Variants in TRPA1 observed in about 807,000 individuals in gnomAD.
TRPA1 encodes ankyrin-like with transmembrane domains 1.
Under a neutral mutation model 131.3 loss-of-function variants are expected in TRPA1, and 129 were observed. That is an observed-to-expected ratio of 0.98 (90% confidence interval 0.85 to 1.14). The LOEUF is 1.14. Among genes scored for constraint, TRPA1 ranks in the 50% most tolerant of loss-of-function variants. The pLI is 0.00. For synonymous variants in TRPA1, 441 were observed against 451.7 expected (o/e 0.98, Z 0.30); for missense variants, 1,304 against 1,354.2 (o/e 0.96, Z 0.58).
chr8:72,054,984 C>A (rs6472657), intron 12 of TRPA1: 79,754 of 153,602 alleles, frequency 0.52, 21,115 homozygotes, highest in East Asian at 0.69. Context: ...TTAAAGGGAA[C>A]TTTTTATGCC....
At chr8:72,043,016 A>T (rs1812307033) in intron 17 of TRPA1, among the ~76,000 whole-genome samples, 1 of 151,896 alleles carries the variant, frequency 6.6e-6, no homozygotes, top group Non-Finnish European at 1.5e-5. Flanking sequence ...ACACTACTGA[A>T]CTATGCATTT....
chr8:72,047,126 AATG>A lies in TRPA1; in HGVS notation c.1965+19_1965+21del. ...AATTATAACAAAATAAATTTCAGAT[AATG>A]ATGATAAAATAAACTTACATAATAG... On this transcript the variant is annotated intron_variant, in intron 16 of 26. Coordinates refer to ENST00000262209, the MANE Select transcript of TRPA1 (RefSeq NM_007332.3). 1.9e-6 allele frequency: 3 copies of A among 1,539,126 alleles called. No individual in the cohort carries two copies. Among genetic ancestry groups the A allele is most frequent in the Non-Finnish European group, 1.8e-6 (2 of 1,114,486 alleles).
At chr8:72,046,416 C>T (rs895973994) in intron 17 of TRPA1, 97 bp downstream of exon 17, 9 of 678,162 alleles carry the variant, frequency 1.3e-5, no homozygotes, top group Admixed American at 2.7e-5. Context: ...TGTAACTAAC[C>T]TGCACAATGT....
At position 72,055,810 on chromosome 8, in the gene TRPA1, A is replaced by C. The variant is rs562070327; in HGVS notation, c.1240T>G (p.Cys414Gly). 6.2e-7 allele frequency: 1 copy of C among 1,613,490 alleles called. No individual in the cohort carries two copies. ...ELVMDEDNDG[C>G]TPLHYACRQG... ...CTACATGCATAATGTAGAGGAGTAC[A>C]CCCATCGTTGTCTTCATCCATTACC... The change falls in exon 11 of 27, where the codon TGT becomes GGT. Residue 414 changes from cysteine to glycine, a missense_variant. Physicochemically the swap from Cys to Gly is radical, Grantham distance 159. Coordinates refer to ENST00000262209, the MANE Select transcript of TRPA1 (RefSeq NM_007332.3).
intron 15 of TRPA1, 29 bp from the exon 16 acceptor site, chr8:72,047,236 T>C (rs1217579953): frequency 2.6e-6 from 4 of 1,541,340 alleles, no homozygotes; most frequent in Admixed American, 3.3e-5. Flanking sequence ...AGCTAAGATA[T>C]TGGGGCAGTA....
At chr8:72,053,586 T>C (rs1351006804) in intron 13 of TRPA1, 167 bp downstream of exon 13, 1 of 655,940 alleles carries the variant, frequency 1.5e-6, no homozygotes, top group Non-Finnish European at 2.8e-6. Flanking sequence ...CCCAATTCTG[T>C]TGCCTTTTGA....
chr8:72,088,394 T>G, the TRPA1 span, among the ~76,000 whole-genome samples: 1 of 147,646 alleles, frequency 6.8e-6, no homozygotes, highest in Non-Finnish European at 1.5e-5. Flanking sequence ...TTTTGCTGTT[T>G]TATAGGATTT....
At chr8:72,031,086 C>T (rs1426374891) in intron 23 of TRPA1, among the ~76,000 whole-genome samples, 1 of 152,064 alleles carries the variant, frequency 6.6e-6, no homozygotes, top group Non-Finnish European at 1.5e-5. Flanking sequence ...TAGTATAGAG[C>T]AGGGTACATA....
At chr8:72,031,382 C>T (rs1381029155) in intron 23 of TRPA1, among the ~76,000 whole-genome samples, 1 of 151,426 alleles carries the variant, frequency 6.6e-6, no homozygotes, top group Non-Finnish European at 1.5e-5. Flanking sequence ...AGTTCCAGAC[C>T]AGCCTGGGCA....
Position 72,021,609 on chromosome 8 carries a change from GT to G in TRPA1, c.*1296del, listed in dbSNP as rs755199952. The G allele has an allele frequency of 6.9e-6, 1 of 145,514 alleles. No individual in the cohort carries two copies. The highest frequency in any genetic ancestry group is 1.5e-5 in the Non-Finnish European group (1 of 65,886). 9.0% of individuals were successfully genotyped at this position (145,514 alleles called of 1,614,324 possible). ...CATATCGTCCCTCAGCACTCTGCTG[GT>G]TTGTATGAACATCAGTATGTTTGAG... is the stretch of plus-strand genomic sequence containing the variant. On this transcript the variant is annotated 3_prime_UTR_variant, in exon 27 of 27. Coordinates refer to ENST00000262209, the MANE Select transcript of TRPA1 (RefSeq NM_007332.3).
At chr8:72,078,058 C>T (rs1806222707), upstream of TRPA1, among the ~76,000 whole-genome samples, 1 of 151,246 alleles carries the variant, frequency 6.6e-6, no homozygotes, top group Admixed American at 6.6e-5. Flanking sequence ...GTTATATGCA[C>T]ATATTGCTCA....
chr8:72,062,821 C>T lies in TRPA1; in HGVS notation c.785G>A (p.Gly262Asp). 1 of 1,613,938 alleles carries T rather than the reference C, an allele frequency of 6.2e-7. No homozygotes were observed. The highest frequency in any genetic ancestry group is 8.5e-7 in the Non-Finnish European group (1 of 1,179,962). Residue 262 changes from glycine to aspartate, a missense_variant, in exon 6 of 27, where the codon GGT becomes GAT. Physicochemically the swap from Gly to Asp is moderately conservative, Grantham distance 94 (BLOSUM62 -1). Coordinates refer to ENST00000262209, the MANE Select transcript of TRPA1 (RefSeq NM_007332.3). ...TACCTCCACTGGGTCTATTTGTGCACCATTGTCCAGGCACATTTTGATCAT... is the reference window on the plus strand; with the variant it reads ...TACCTCCACTGGGTCTATTTGTGCATCATTGTCCAGGCACATTTTGATCAT... ...LEMIKMCLDN[G>D]AQIDPVEKGR...
At chr8:72,066,885 G>T (rs1805943815) in intron 3 of TRPA1, among the ~76,000 whole-genome samples, 1 of 152,174 alleles carries the variant, frequency 6.6e-6, no homozygotes, top group Non-Finnish European at 1.5e-5. Flanking sequence ...GGCAAGTCTG[G>T]AAGGTTTGGA....
chr8:72,056,778 C>A (rs1022713338), intron 10 of TRPA1, 139 bp downstream of exon 10: 6 of 689,382 alleles, frequency 8.7e-6, no homozygotes, highest in African/African-American at 1.8e-5. Flanking sequence ...ACTAAATAGT[C>A]AAATATGTCA....
At chr8:72,086,345 C>T in the TRPA1 span, among the ~76,000 whole-genome samples, 1 of 152,110 alleles carries the variant, frequency 6.6e-6, no homozygotes, top group Admixed American at 6.5e-5. Flanking sequence ...ATCACTTCTC[C>T]CATCCATAGT....
At position 72,036,314 on chromosome 8, in the gene TRPA1, C is replaced by T. The variant is rs2129433644; in HGVS notation, c.2529G>A (p.Trp843Ter). The change falls in exon 21 of 27, where the codon TGG becomes TGA. Residue 843 changes from tryptophan (W) to a stop codon, truncating the protein, a stop_gained. Coordinates refer to ENST00000262209, the MANE Select transcript of TRPA1 (RefSeq NM_007332.3). LOFTEE classifies it high-confidence loss of function. The stretch of plus-strand genomic sequence containing the variant: ...TTTGAAGATACAATAAGAAATTCAT[C>T]CAATAGAAGTAAACAGCAATTGCTC... ...QCGAIAVYFY[W>*]MNFLLYLQRF... The T allele has an allele frequency of 6.2e-7, 1 of 1,614,038 alleles. No individual in the cohort carries two copies.
At chr8:72,070,046 G>A (rs529177593) in intron 2 of TRPA1, among the ~76,000 whole-genome samples, 119 of 152,276 alleles carry the variant, frequency 7.8e-4, no homozygotes, top group Admixed American at 1.6e-3. Flanking sequence ...TATGTACCCC[G>A]TGAGCTCAGC....
chr8:72,079,995 G>A (rs57279932), upstream of TRPA1, among the ~76,000 whole-genome samples: 5,837 of 151,996 alleles, frequency 0.038, 376 homozygotes, highest in African/African-American at 0.13. Flanking sequence ...AATTTTCCAA[G>A]TGATCTTGTT....
chr8:72,042,159 T>G (rs2129434275), intron 17 of TRPA1, among the ~76,000 whole-genome samples: 1 of 151,798 alleles, frequency 6.6e-6, no homozygotes, highest in African/African-American at 2.4e-5. Context: ...TTATAAGGAG[T>G]TAATATCCAG....
Sources: allele counts gnomAD v4.1 joint callset (sites outside exome capture counted in the v4.1 genomes callset), GRCh38; gene constraint gnomAD v4.1.1; transcripts MANE v1.5; gene names NCBI Gene and HGNC (gene_info 2026-07-23, HGNC 2026-07-21).